The following RALGAPB variants were observed in gnomAD, a reference collection of about 807,000 sequenced individuals.
The protein encoded by RALGAPB is ral GTPase-activating protein subunit beta.
In RALGAPB, 25 loss-of-function variants were observed where a neutral mutation model predicts 161.1. The observed-to-expected ratio is 0.16, with a 90% CI of 0.11 to 0.22. RALGAPB has a LOEUF of 0.22. Among genes scored for constraint, RALGAPB ranks in the 10% least tolerant of loss-of-function variants. The pLI, the probability that RALGAPB is intolerant of heterozygous loss-of-function variation, is 1.00. For synonymous variants in RALGAPB, 629 were observed against 626.1 expected (o/e 1.00, Z -0.07); for missense variants, 1,391 against 1,815.2 (o/e 0.77, Z 4.25).
intron 1 of RALGAPB, among the ~76,000 whole-genome samples, chr20:38,478,256 C>T (rs1161190006): frequency 6.6e-6 from 1 of 152,248 alleles, no homozygotes; most frequent in African/African-American, 2.4e-5. Flanking sequence ...TGATGTGATC[C>T]TGAGCAAGTC....
chr20:38,546,526 T>C (rs78485895), intron 19 of RALGAPB, 96 bp downstream of exon 19: 2 of 1,516,906 alleles, frequency 1.3e-6, no homozygotes, highest in Admixed American at 1.8e-5. Flanking sequence ...AGCCTACAGA[T>C]TCTAAGTAGG....
chr20:38,570,594 A>G (rs1002823399), intron 27 of RALGAPB, among the ~76,000 whole-genome samples, 175 bp from the exon 28 acceptor site: 3 of 152,214 alleles, frequency 2.0e-5, no homozygotes, highest in Non-Finnish European at 4.4e-5. Flanking sequence ...TAGCTAAAAA[A>G]TGTCTTGAGA....
At chr20:38,558,514 A>C (rs1488250405) in intron 23 of RALGAPB, 61 bp downstream of exon 23, 12 of 1,340,820 alleles carry the variant, frequency 8.9e-6, no homozygotes, top group Non-Finnish European at 1.1e-5. Flanking sequence ...ACGTCTAAAG[A>C]AAAAAATTGA....
chr20:38,478,998 G>A (rs1359945539), intron 1 of RALGAPB, among the ~76,000 whole-genome samples: 1 of 152,036 alleles, frequency 6.6e-6, no homozygotes, highest in Non-Finnish European at 1.5e-5. Context: ...TGATCCACCC[G>A]CCTCGGCCTC....
intron 3 of RALGAPB, among the ~76,000 whole-genome samples, 153 bp from the exon 4 acceptor site, chr20:38,497,200 C>T (rs1008721072): frequency 1.3e-5 from 2 of 152,186 alleles, no homozygotes; most frequent in Non-Finnish European, 2.9e-5. Flanking sequence ...TAAGAAGTAG[C>T]TTTAAACTGA....
At chr20:38,477,942 T>G (rs1330173939) in intron 1 of RALGAPB, among the ~76,000 whole-genome samples, 2 of 152,158 alleles carry the variant, frequency 1.3e-5, no homozygotes, top group African/African-American at 2.4e-5. Context: ...GGCAGCATAA[T>G]GAGACTTTGT....
At position 38,569,869 on chromosome 20, in the gene RALGAPB, CT is replaced by C. The variant is rs759301710; in HGVS notation, c.3955-17del. The C allele has an allele frequency of 6.4e-7, 1 of 1,567,892 alleles. No homozygotes were observed. Among genetic ancestry groups the C allele is most frequent in the South Asian group, 1.1e-5 (1 of 89,176 alleles). ...TGCTGTTGTTTTTCCCGCTCTCTGT[CT>C]TCTTCTTCTTCATGTAGCTCAGTCC... On this transcript the variant is annotated intron_variant, in intron 26 of 29. Coordinates refer to ENST00000262879, the MANE Select transcript of RALGAPB (RefSeq NM_020336.4).
intron 16 of RALGAPB, among the ~76,000 whole-genome samples, chr20:38,537,545 T>G (rs940118679): frequency 6.6e-6 from 1 of 152,140 alleles, no homozygotes; most frequent in Non-Finnish European, 1.5e-5. Context: ...ATTTCTTAGG[T>G]GTTACGCTAG....
intron 29 of RALGAPB, among the ~76,000 whole-genome samples, 188 bp downstream of exon 29, chr20:38,574,486 A>G (rs773916739): frequency 6.6e-6 from 1 of 152,200 alleles, no homozygotes; most frequent in African/African-American, 2.4e-5. Context: ...TAGTAAGTGT[A>G]AGTAAAACCT....
intron 12 of RALGAPB, 111 bp downstream of exon 12, chr20:38,525,629 G>A: frequency 2.2e-6 from 2 of 925,642 alleles, no homozygotes; most frequent in Non-Finnish European, 3.3e-6. Flanking sequence ...TTCAATTCAA[G>A]TTATTTCATC....
chr20:38,542,231 T>A (rs897745168), intron 18 of RALGAPB, among the ~76,000 whole-genome samples: 1 of 152,144 alleles, frequency 6.6e-6, no homozygotes, highest in Non-Finnish European at 1.5e-5. Flanking sequence ...GGCATCTTGG[T>A]CTTAGTAAAG....
At chr20:38,499,339 A>G in intron 4 of RALGAPB, 108 bp from the exon 5 acceptor site, 1 of 1,015,774 alleles carries the variant, frequency 9.8e-7, no homozygotes, top group Non-Finnish European at 1.4e-6. Context: ...GTCAAAACTT[A>G]ATATTGCACT....
At chr20:38,527,794 T>C (rs930540605) in intron 13 of RALGAPB, among the ~76,000 whole-genome samples, 1 of 152,236 alleles carries the variant, frequency 6.6e-6, no homozygotes, top group Non-Finnish European at 1.5e-5. Context: ...TTGGTTTTGT[T>C]ACACCCTTGC....
intron 3 of RALGAPB, 62 bp downstream of exon 3, chr20:38,493,194 A>T (rs543393290): frequency 7.4e-7 from 1 of 1,346,764 alleles, no homozygotes; most frequent in African/African-American, 1.4e-5. Flanking sequence ...CATAAACGTT[A>T]CTATAGTATA....
chr20:38,518,074 C>T, intron 9 of RALGAPB, 74 bp downstream of exon 9: 2 of 1,360,902 alleles, frequency 1.5e-6, no homozygotes, highest in Non-Finnish European at 2.1e-6. Flanking sequence ...TCTTTCCTAC[C>T]TGCAAGATTA....
chr20:38,525,890 C>T lies in RALGAPB; in HGVS notation c.1903-5C>T. The T allele has an allele frequency of 1.9e-6, 3 of 1,607,928 alleles. No homozygotes were observed. The highest frequency in any genetic ancestry group is 2.5e-6 in the Non-Finnish European group (3 of 1,178,466). On this transcript the variant is annotated splice_polypyrimidine_tract_variant and splice_region_variant and intron_variant, in intron 12 of 29. Coordinates refer to ENST00000262879, the MANE Select transcript of RALGAPB (RefSeq NM_020336.4). ...GATGTTAAATATTATTTGTTTTTTC[C>T]ATAGGTGGTCCTGGAAGGAAAGTTT...
chr20:38,571,626 C>T (rs1601093320), intron 28 of RALGAPB, among the ~76,000 whole-genome samples: 2 of 152,156 alleles, frequency 1.3e-5, no homozygotes, highest in Admixed American at 1.3e-4. Flanking sequence ...TTTAGGTTGC[C>T]TCCATATCTT....
At chr20:38,486,735 C>T (rs997182254) in intron 1 of RALGAPB, among the ~76,000 whole-genome samples, 4 of 152,102 alleles carry the variant, frequency 2.6e-5, no homozygotes, top group African/African-American at 4.8e-5. Flanking sequence ...TTTATTTTTA[C>T]TAGTAATTAG....
intron 1 of RALGAPB, among the ~76,000 whole-genome samples, chr20:38,480,882 C>T (rs550646227): frequency 1.2e-4 from 18 of 151,846 alleles, no homozygotes; most frequent in African/African-American, 3.1e-4. Flanking sequence ...GGACTACAGG[C>T]GTGTGCCACC....
Sources: allele counts gnomAD v4.1 joint callset (sites outside exome capture counted in the v4.1 genomes callset), GRCh38; gene constraint gnomAD v4.1.1; transcripts MANE v1.5; gene names NCBI Gene and HGNC (gene_info 2026-07-23, HGNC 2026-07-21).